Variants in SLC24A2 observed in about 807,000 individuals in gnomAD.
SLC24A2 encodes the protein solute carrier family 24 member 2, also known as sodium/potassium/calcium exchanger 2.
In SLC24A2, 36 loss-of-function variants were observed where a neutral mutation model predicts 62.0. The ratio of observed to expected loss-of-function variants is 0.58; its 90% CI spans 0.44 to 0.77. The LOEUF (loss-of-function observed/expected upper bound fraction) is 0.77. SLC24A2 is among the 30% of genes least tolerant of loss of function. The probability of loss-of-function intolerance (pLI) is 0.00; values close to 1 mark genes in which losing one functional copy is unlikely to be tolerated. For missense variants in SLC24A2, 846 were observed against 817.9 expected (o/e 1.03, Z -0.42); for synonymous variants, 358 against 294.0 (o/e 1.22, Z -2.23).
chr9:19,704,798 C>CTTTT (rs35780199), intron 2 of SLC24A2, among the ~76,000 whole-genome samples: 2 of 135,716 alleles, frequency 1.5e-5, no homozygotes, highest in Admixed American at 7.4e-5. Context: ...AAAAACCAAA[C>CTTTT]TTTTTTTTTT....
At chr9:19,770,057 G>A (rs1465128624) in intron 2 of SLC24A2, among the ~76,000 whole-genome samples, 1 of 151,066 alleles carries the variant, frequency 6.6e-6, no homozygotes, top group Non-Finnish European at 1.5e-5. Flanking sequence ...AGAAGCAAAT[G>A]CAGTCTATAT....
the SLC24A2 span, among the ~76,000 whole-genome samples, chr9:19,874,807 G>A: frequency 6.6e-6 from 1 of 152,100 alleles, no homozygotes; most frequent in African/African-American, 2.4e-5. Flanking sequence ...TTCTTTATCT[G>A]CATTTCCAAA....
intron 2 of SLC24A2, among the ~76,000 whole-genome samples, chr9:19,736,544 G>C (rs1821515659): frequency 1.3e-5 from 2 of 152,070 alleles, no homozygotes; most frequent in South Asian, 4.1e-4. Flanking sequence ...AGAATTTCTA[G>C]AAATCAAGAC....
At chr9:20,267,644 C>T in the SLC24A2 span, among the ~76,000 whole-genome samples, 27 of 152,304 alleles carry the variant, frequency 1.8e-4, no homozygotes, top group African/African-American at 6.3e-4. Flanking sequence ...ATTCCCCAAG[C>T]CCAGCACTGT....
At chr9:20,058,075 T>C in the SLC24A2 span, among the ~76,000 whole-genome samples, 1 of 152,174 alleles carries the variant, frequency 6.6e-6, no homozygotes, top group Non-Finnish European at 1.5e-5. Flanking sequence ...AACTCACTGG[T>C]CAGAAACTTC....
the SLC24A2 span, among the ~76,000 whole-genome samples, chr9:20,187,816 A>G: frequency 6.6e-6 from 1 of 151,968 alleles, no homozygotes; most frequent in African/African-American, 2.4e-5. Context: ...TCTCCCCTAG[A>G]CCCTTGCTAC....
chr9:20,090,935 C>T, the SLC24A2 span, among the ~76,000 whole-genome samples: 4 of 151,408 alleles, frequency 2.6e-5, no homozygotes, highest in East Asian at 5.8e-4. Context: ...ACAGCAAAAC[C>T]CAATCCAAGG....
chr9:19,837,608 G>C, the SLC24A2 span, among the ~76,000 whole-genome samples: 1 of 151,244 alleles, frequency 6.6e-6, no homozygotes, highest in African/African-American at 2.4e-5. Context: ...TATTCAATTA[G>C]GAAAAAAGGA....
At chr9:19,945,723 G>A in the SLC24A2 span, among the ~76,000 whole-genome samples, 2 of 152,184 alleles carry the variant, frequency 1.3e-5, no homozygotes, top group Non-Finnish European at 2.9e-5. Context: ...AAGAGGCAGA[G>A]CCAAGATCTC....
chr9:19,840,846 A>G, the SLC24A2 span, among the ~76,000 whole-genome samples: 2 of 152,222 alleles, frequency 1.3e-5, no homozygotes, highest in Admixed American at 6.5e-5. Flanking sequence ...AAAGGGAGTC[A>G]TACAGCATTT....
chr9:19,986,700 A>G, the SLC24A2 span, among the ~76,000 whole-genome samples: 1 of 152,194 alleles, frequency 6.6e-6, no homozygotes. Flanking sequence ...GAAAGATTAC[A>G]TATTGTATGA....
At chr9:19,685,453 G>A (rs1819852675) in intron 2 of SLC24A2, among the ~76,000 whole-genome samples, 3 of 152,012 alleles carry the variant, frequency 2.0e-5, no homozygotes, top group African/African-American at 7.2e-5. Context: ...AAATAGCCAA[G>A]GCAATCCTAA....
chr9:19,787,557 G>C (rs965713956), intron 1 of SLC24A2, among the ~76,000 whole-genome samples: 1 of 152,048 alleles, frequency 6.6e-6, no homozygotes, highest in South Asian at 2.1e-4. Context: ...TTAATTTAGT[G>C]ATCTTTTTTC....
rs537594057 is a variant in SLC24A2, at chr9:19,607,788, C to T, written c.1079-10509G>A. Among the ~76,000 whole-genome samples, 262 of 151,548 alleles carry T rather than the reference C, an allele frequency of 1.7e-3. 1 individual carries two copies. The highest frequency in any genetic ancestry group is 2.5e-3 in the Non-Finnish European group (167 of 67,934). On this transcript the variant is annotated intron_variant, in intron 4 of 10. Transcript: ENST00000341998. ...TTGTGGCCTTTGCTTCAAAGCCAAC[C>T]TTTTCATTGGAGAAAGAAAGAGAGA... is the stretch of plus-strand genomic sequence containing the variant.
intron 2 of SLC24A2, among the ~76,000 whole-genome samples, chr9:19,706,564 G>T (rs1428853409): frequency 2.0e-5 from 3 of 151,972 alleles, no homozygotes; most frequent in Non-Finnish European, 4.4e-5. Flanking sequence ...ATTTTTAGTA[G>T]AGACGGGGTT....
the SLC24A2 span, among the ~76,000 whole-genome samples, chr9:20,146,008 TTATAA>T: frequency 6.6e-6 from 1 of 152,098 alleles, no homozygotes; most frequent in African/African-American, 2.4e-5. Flanking sequence ...CATTAAATAA[TTATAA>T]TATCTTTTAT....
At chr9:19,783,417 T>C (rs1033056830) in intron 2 of SLC24A2, among the ~76,000 whole-genome samples, 1 of 152,222 alleles carries the variant, frequency 6.6e-6, no homozygotes, top group African/African-American at 2.4e-5. Flanking sequence ...AGGCCGCATT[T>C]GGCTTAAAGT....
At chr9:20,205,221 C>T in the SLC24A2 span, among the ~76,000 whole-genome samples, 4 of 152,144 alleles carry the variant, frequency 2.6e-5, no homozygotes, top group African/African-American at 9.7e-5. Context: ...CAAAGCATTT[C>T]TCCCTATTGA....
At chr9:19,630,521 CT>C (rs771010667) in intron 2 of SLC24A2, among the ~76,000 whole-genome samples, 4 of 152,036 alleles carry the variant, frequency 2.6e-5, no homozygotes, top group Non-Finnish European at 4.4e-5. Flanking sequence ...ATACGTATAA[CT>C]TTTCATATTT....
Sources: allele counts gnomAD v4.1 joint callset (sites outside exome capture counted in the v4.1 genomes callset), GRCh38; gene constraint gnomAD v4.1.1; transcripts MANE v1.5; gene names NCBI Gene and HGNC (gene_info 2026-07-23, HGNC 2026-07-21).